PIEZO2: variants seen among roughly 807,000 people sequenced by gnomAD.
PIEZO2 encodes the protein piezo type mechanosensitive ion channel component 2, also known as piezo-type mechanosensitive ion channel component 2.
In PIEZO2, 172 loss-of-function variants were observed where a neutral mutation model predicts 337.3. The observed-to-expected ratio is 0.51, with a 90% CI of 0.45 to 0.58. The LOEUF is 0.58. Among genes scored for constraint, PIEZO2 ranks in the 20% least tolerant of loss-of-function variants. The pLI is 0.00. For synonymous variants in PIEZO2, 1,251 were observed against 1,228.5 expected (o/e 1.02, Z -0.38); for missense variants, 3,028 against 3,391.3 (o/e 0.89, Z 2.66).
At position 11,116,319 on chromosome 18, in the gene PIEZO2, TA is replaced by T. The variant is rs2039885977; in HGVS notation, c.64+32205del. 1.3e-5 allele frequency among the ~76,000 whole-genome samples: 2 copies of T among 152,284 alleles called. No individual in the cohort carries two copies. The highest frequency in any genetic ancestry group is 1.3e-4 in the Admixed American group (2 of 15,286). On this transcript the variant is annotated intron_variant, in intron 1 of 55. Transcript: ENST00000674853. This position sits in a 1 kb window ranked among gnomAD's most constrained non-coding sequence, Gnocchi z 5.0. The stretch of plus-strand genomic sequence containing the variant: ...GAGTTTCTCTGAGCCCCAAAACCAC[TA>T]ATAGAATATGTGCAAGGGGCTCTTG...
At position 10,969,386 on chromosome 18, in the gene PIEZO2, G is replaced by A. The variant is rs1050079822; in HGVS notation, c.286+10149C>T. 6.6e-5 allele frequency among the ~76,000 whole-genome samples: 10 copies of A among 152,084 alleles called. No homozygotes were observed. The highest frequency in any genetic ancestry group is 1.0e-4 in the Non-Finnish European group (7 of 68,020). ...CAGCAAGGACTGGTCGGCATGGTGGGGAGCAGACGGGCGTGAGGATCATGA... is the reference window on the plus strand; with the variant it reads ...CAGCAAGGACTGGTCGGCATGGTGGAGAGCAGACGGGCGTGAGGATCATGA... On this transcript the variant is annotated intron_variant, in intron 3 of 55. Coordinates refer to ENST00000674853, the MANE Select transcript of PIEZO2 (RefSeq NM_001378183.1). This position sits in a 1 kb window ranked among gnomAD's most constrained non-coding sequence, Gnocchi z 4.5.
chr18:10,897,342 A>T (rs929685357), intron 4 of PIEZO2, among the ~76,000 whole-genome samples: 2 of 152,146 alleles, frequency 1.3e-5, no homozygotes, highest in Admixed American at 1.3e-4. Flanking sequence ...GCCCAACACC[A>T]TACCTGGCTA....
rs2034307911 is a variant in PIEZO2, at chr18:10,973,160, G to A, written c.286+6375C>T. ...TGAGCATCCATATCTATTACTAAAGGTGAATCAAAATATCAACACGGCATT... is the reference window on the plus strand; with the variant it reads ...TGAGCATCCATATCTATTACTAAAGATGAATCAAAATATCAACACGGCATT... On this transcript the variant is annotated intron_variant, in intron 3 of 55. Coordinates refer to ENST00000674853, the MANE Select transcript of PIEZO2 (RefSeq NM_001378183.1). This position sits in a 1 kb window ranked among gnomAD's most constrained non-coding sequence, Gnocchi z 4.9. Among the ~76,000 whole-genome samples, 1 of 151,860 alleles carries A rather than the reference G, an allele frequency of 6.6e-6. No homozygotes were observed. The highest frequency in any genetic ancestry group is 6.5e-5 in the Admixed American group (1 of 15,272).
At position 10,787,637 on chromosome 18, in the gene PIEZO2, C is replaced by T. The variant is rs139379382; in HGVS notation, c.2170-453G>A. 1.3e-3 allele frequency among the ~76,000 whole-genome samples: 203 copies of T among 152,280 alleles called. 1 individual carries two copies. The highest frequency in any genetic ancestry group is 4.4e-3 in the African/African-American group (183 of 41,550). On this transcript the variant is annotated intron_variant, in intron 15 of 55. Coordinates refer to ENST00000674853, the MANE Select transcript of PIEZO2 (RefSeq NM_001378183.1). ...AACCAACCACAGAAAAAAGACATCT[C>T]GTTTTACCGTAAGCTGTGGATATTC...
chr18:11,098,967 T>TA (rs986888535), intron 1 of PIEZO2, among the ~76,000 whole-genome samples: 5 of 138,728 alleles, frequency 3.6e-5, no homozygotes, highest in East Asian at 2.6e-4. Context: ...CTGTATAATT[T>TA]AAATTTTTTT....
At chr18:11,024,704 A>G (rs572850152) in intron 2 of PIEZO2, among the ~76,000 whole-genome samples, 125 of 152,088 alleles carry the variant, frequency 8.2e-4, no homozygotes, top group African/African-American at 2.9e-3. Flanking sequence ...GCAATGGTGC[A>G]ATCTCAGCTC....
intron 1 of PIEZO2, among the ~76,000 whole-genome samples, chr18:11,093,677 C>T (rs2039171440): frequency 6.6e-6 from 1 of 150,916 alleles, no homozygotes; most frequent in South Asian, 2.1e-4. Context: ...AGCTCCGCCT[C>T]CCGGGTTCAG....
intron 2 of PIEZO2, among the ~76,000 whole-genome samples, chr18:11,020,138 C>A (rs989945721): frequency 6.6e-6 from 1 of 152,126 alleles, no homozygotes; most frequent in African/African-American, 2.4e-5. Context: ...AAAAAATAGT[C>A]ACACAATTCT....
In PIEZO2 at chr18:10,763,047, AC is replaced by A; in HGVS notation, c.2997del (p.Tyr1000ThrfsTer18). ...VFLISWAFAL[P>X]YAKLRRLASS... is the part of the protein sequence containing the mutation. The stretch of plus-strand genomic sequence containing the variant: ...GAAGCCAGACGGCGCAGCTTGGCGT[AC>A]GGCAGAGCAAAAGCCCAAGAAATCA... On this transcript the variant is annotated frameshift_variant, in exon 22 of 56. Coordinates refer to ENST00000674853, the MANE Select transcript of PIEZO2 (RefSeq NM_001378183.1). LOFTEE classifies it high-confidence loss of function. 1 of 1,537,380 alleles carries A rather than the reference AC, an allele frequency of 6.5e-7. No individual in the cohort carries two copies. Among genetic ancestry groups the A allele is most frequent in the Non-Finnish European group, 8.7e-7 (1 of 1,146,940 alleles).
At chr18:10,725,227 T>G (rs1292877924) in intron 36 of PIEZO2, 1 of 1,567,212 alleles carries the variant, frequency 6.4e-7, no homozygotes, top group Non-Finnish European at 8.8e-7. Context: ...GTTTGGAACC[T>G]ACGAACACTT....
intron 42 of PIEZO2, among the ~76,000 whole-genome samples, chr18:10,703,887 C>T (rs1001627475): frequency 4.0e-5 from 6 of 151,674 alleles, no homozygotes; most frequent in African/African-American, 1.4e-4. Flanking sequence ...TTTACGTTTA[C>T]GTTTAAAAAT....
In PIEZO2 at chr18:10,672,965, A is replaced by G. The variant is rs2143392837; in HGVS notation, c.8162-92T>C. ...TTTCAGATGGCAAAATCTGGTTACTAACTATAGCATAAGGTTCTAGGATGA... is the reference window on the plus strand; with the variant it reads ...TTTCAGATGGCAAAATCTGGTTACTGACTATAGCATAAGGTTCTAGGATGA... On this transcript the variant is annotated intron_variant, in intron 54 of 55. Coordinates refer to ENST00000674853, the MANE Select transcript of PIEZO2 (RefSeq NM_001378183.1). This position sits in a 1 kb window ranked among gnomAD's most constrained non-coding sequence, Gnocchi z 4.7. The G allele has an allele frequency of 1.9e-6, 2 of 1,031,220 alleles. No individual in the cohort carries two copies. Among genetic ancestry groups the G allele is most frequent in the South Asian group, 3.1e-5 (2 of 64,192 alleles). 63.9% of individuals were successfully genotyped at this position (1,031,220 alleles called of 1,614,324 possible).
intron 49 of PIEZO2, among the ~76,000 whole-genome samples, chr18:10,684,466 GTTTTTTT>G (rs58939994): frequency 7.4e-6 from 1 of 135,864 alleles, no homozygotes; most frequent in Non-Finnish European, 1.6e-5. Flanking sequence ...CGCCCGGCCT[GTTTTTTT>G]TTTTTTTTTT....
In PIEZO2 at chr18:11,080,928, C is replaced by T. The variant is rs2038716564; in HGVS notation, c.65-14706G>A. On this transcript the variant is annotated intron_variant, in intron 1 of 55. Coordinates refer to ENST00000674853, the MANE Select transcript of PIEZO2 (RefSeq NM_001378183.1). This position sits in a 1 kb window ranked among gnomAD's most constrained non-coding sequence, Gnocchi z 5.4. ...CACACCTGACCAATGGAGTCAACGT[C>T]CAATAGCTTCACCAAATTGGTTATT... is the stretch of plus-strand genomic sequence containing the variant. Among the ~76,000 whole-genome samples the T allele has an allele frequency of 6.6e-6, 1 of 152,170 alleles. No individual in the cohort carries two copies. The highest frequency in any genetic ancestry group is 2.1e-4 in the South Asian group (1 of 4,828).
chr18:11,141,729 A>ATGCT (rs1351705381), intron 1 of PIEZO2, among the ~76,000 whole-genome samples: 2 of 152,168 alleles, frequency 1.3e-5, no homozygotes, highest in Non-Finnish European at 2.9e-5. Context: ...GGGAGACAGG[A>ATGCT]TGCTTGGTGT....
At chr18:10,681,967 T>C (rs1270761938) in intron 50 of PIEZO2, 137 bp downstream of exon 50, 2 of 925,044 alleles carry the variant, frequency 2.2e-6, no homozygotes, top group East Asian at 5.3e-5. Flanking sequence ...ACCTTATTCA[T>C]ACATCAAGTA....
chr18:10,917,651 T>C (rs2031087028), intron 3 of PIEZO2, among the ~76,000 whole-genome samples: 1 of 152,324 alleles, frequency 6.6e-6, no homozygotes, highest in Non-Finnish European at 1.5e-5. Context: ...TCTCAGCCGC[T>C]GAGAGCCACC....
chr18:10,800,215 T>G lies in PIEZO2; in HGVS notation c.1378+122A>C. On this transcript the variant is annotated intron_variant, in intron 11 of 55. Coordinates refer to ENST00000674853, the MANE Select transcript of PIEZO2 (RefSeq NM_001378183.1). ...GCAGGCAGAACTTAAAGAAGTGAGG[T>G]TAATGACACTGACATGGATACAGTT... 4.6e-6 allele frequency: 6 copies of G among 1,312,140 alleles called. No homozygotes were observed. In the East Asian group the frequency reaches 1.1e-4, roughly 25 times the overall value. The allele number at this position is 1,312,140 out of a possible 1,614,324, so 81.3% of individuals were successfully genotyped here. A position where few individuals can be genotyped will look rare whatever the true frequency, so the allele number is the denominator to read the frequency against.
At chr18:10,803,036 C>T (rs544769930) in intron 9 of PIEZO2, among the ~76,000 whole-genome samples, 32 of 151,956 alleles carry the variant, frequency 2.1e-4, no homozygotes, top group African/African-American at 6.8e-4. Flanking sequence ...CTTTGCTACT[C>T]GATCAGACTC....
Sources: gnomAD v4.1 joint callset for allele counts (sites outside exome capture counted in the v4.1 genomes callset) on GRCh38, gnomAD v4.1.1 for gene constraint, Gnocchi (gnomAD v3.1) non-coding constraint, MANE v1.5 for transcripts, NCBI Gene and HGNC (gene_info 2026-07-23, HGNC 2026-07-21) for gene names.